The following ANKRD13C variants were observed in gnomAD, a reference collection of about 807,000 sequenced individuals.
ANKRD13C encodes the protein ankyrin repeat domain 13C, also known as ankyrin repeat domain-containing protein 13C.
In ANKRD13C, 16 loss-of-function variants were observed where a neutral mutation model predicts 65.5. That is an observed-to-expected ratio of 0.24 (90% confidence interval 0.17 to 0.37). The LOEUF (loss-of-function observed/expected upper bound fraction) is 0.37. Ranked by LOEUF, ANKRD13C falls within the 10% of genes least tolerant of loss-of-function variation. The pLI, the probability that ANKRD13C is intolerant of heterozygous loss-of-function variation, is 1.00. For missense variants in ANKRD13C, 503 were observed against 655.9 expected, an observed-to-expected ratio of 0.77 and a Z score of 2.55; for synonymous variants, 235 against 238.7, an observed-to-expected ratio of 0.98 and a Z score of 0.14.
rs562541275 is a variant in ANKRD13C, at chr1:70,348,564, C to A, written c.430+5415G>T. ...TTACAGGCGTGGTGAGCCACCATGC[C>A]CAGCCTGCACCTTTTTAATCTTTCT... On this transcript the variant is annotated intron_variant, in intron 1 of 12. Coordinates refer to ENST00000370944, the MANE Select transcript of ANKRD13C (RefSeq NM_030816.5). 3.3e-5 allele frequency among the ~76,000 whole-genome samples: 5 copies of A among 152,288 alleles called. No homozygotes were observed. The East Asian group carries it at 7.7e-4, about 23-fold the overall frequency.
chr1:70,297,975 A>G (rs948213966), intron 7 of ANKRD13C, among the ~76,000 whole-genome samples: 1 of 151,822 alleles, frequency 6.6e-6, no homozygotes, highest in Non-Finnish European at 1.5e-5. Flanking sequence ...TGGGCCTGGG[A>G]CAGTACCATT....
In ANKRD13C at chr1:70,290,737, T is replaced by G. The variant is rs146823152; in HGVS notation, c.1215+1651A>C. Among the ~76,000 whole-genome samples, 736 of 152,170 alleles carry G rather than the reference T, an allele frequency of 4.8e-3. 8 individuals are homozygous for G. Among genetic ancestry groups the G allele is most frequent in the African/African-American group, 0.017 (719 of 41,522 alleles). On this transcript the variant is annotated intron_variant, in intron 9 of 12. Coordinates refer to ENST00000370944, the MANE Select transcript of ANKRD13C (RefSeq NM_030816.5). ...TTAATTTTTTAATTTTTTATTTTTT[T>G]AGTAGAGGCAGGGTCTTGCTCTGTT...
chr1:70,347,127 T>C (rs1228364935), intron 1 of ANKRD13C, among the ~76,000 whole-genome samples: 2 of 141,484 alleles, frequency 1.4e-5, no homozygotes, highest in Non-Finnish European at 3.0e-5. Context: ...AGGCAGTTCA[T>C]AGAGAAGCAT....
chr1:70,295,122 AAAT>A (rs1290008667), intron 8 of ANKRD13C, among the ~76,000 whole-genome samples: 1 of 152,132 alleles, frequency 6.6e-6, no homozygotes, highest in African/African-American at 2.4e-5. Flanking sequence ...TGTATAATAA[AAAT>A]AAATATAATT....
Position 70,291,588 on chromosome 1 carries a change from T to C in ANKRD13C, c.1215+800A>G, listed in dbSNP as rs190075464. Among the ~76,000 whole-genome samples the C allele has an allele frequency of 1.3e-4, 20 of 152,190 alleles. No individual in the cohort carries two copies. The East Asian group carries it at 3.7e-3, about 28-fold the overall frequency. On this transcript the variant is annotated intron_variant, in intron 9 of 12. Transcript: ENST00000370944. Reference sequence around the variant, plus strand: ...GCTAAACAAGAAACATATGGGAAGGTGTAAGTCAGAGATGACACCATGAAG... The same window carrying C: ...GCTAAACAAGAAACATATGGGAAGGCGTAAGTCAGAGATGACACCATGAAG...
At chr1:70,348,832 T>C (rs1160208234) in intron 1 of ANKRD13C, among the ~76,000 whole-genome samples, 3 of 152,136 alleles carry the variant, frequency 2.0e-5, no homozygotes, top group South Asian at 2.1e-4. Flanking sequence ...AAATTAACCA[T>C]ATATAGAGAA....
chr1:70,325,570 T>G (rs576127931), intron 2 of ANKRD13C, among the ~76,000 whole-genome samples: 1 of 150,486 alleles, frequency 6.6e-6, no homozygotes, highest in African/African-American at 2.5e-5. Flanking sequence ...TTGAGAAAAC[T>G]TTTTCTTTAA....
chr1:70,352,739 C>T, intron 1 of ANKRD13C, among the ~76,000 whole-genome samples: 1 of 152,114 alleles, frequency 6.6e-6, no homozygotes, highest in East Asian at 1.9e-4. Flanking sequence ...TATCCTTGTA[C>T]TATAATAGTA....
Position 70,276,853 on chromosome 1 carries a change from A to C in ANKRD13C, c.1216-9T>G. ...GACTGTCTTCGAATCGGCTGCCAAAAAAAAAAAAGAAAGAAAGTGGGGTGG... is the reference window on the plus strand; with the variant it reads ...GACTGTCTTCGAATCGGCTGCCAAACAAAAAAAAGAAAGAAAGTGGGGTGG... On this transcript the variant is annotated splice_polypyrimidine_tract_variant and intron_variant, in intron 9 of 12. Transcript: ENST00000370944. The C allele has an allele frequency of 6.3e-7, 1 of 1,579,044 alleles. No homozygotes were observed. The highest frequency in any genetic ancestry group is 8.6e-7 in the Non-Finnish European group (1 of 1,167,938).
intron 12 of ANKRD13C, among the ~76,000 whole-genome samples, chr1:70,269,742 A>C (rs1408020248): frequency 6.6e-6 from 1 of 152,188 alleles, no homozygotes; most frequent in African/African-American, 2.4e-5. Context: ...AAAAAAAAAA[A>C]AAAGTCATTT....
At chr1:70,341,184 C>A (rs1448760033) in intron 1 of ANKRD13C, among the ~76,000 whole-genome samples, 1 of 151,928 alleles carries the variant, frequency 6.6e-6, no homozygotes, top group African/African-American at 2.4e-5. Context: ...ATATATTTTT[C>A]AATCCTCTCA....
intron 3 of ANKRD13C, among the ~76,000 whole-genome samples, chr1:70,315,826 T>C (rs1681049922): frequency 6.6e-6 from 1 of 152,180 alleles, no homozygotes; most frequent in Non-Finnish European, 1.5e-5. Flanking sequence ...GGGACCTATA[T>C]AGATAGAATA....
intron 1 of ANKRD13C, among the ~76,000 whole-genome samples, 183 bp downstream of exon 1, chr1:70,353,796 C>A (rs546467365): frequency 6.6e-6 from 1 of 152,048 alleles, no homozygotes; most frequent in African/African-American, 2.4e-5. Flanking sequence ...TCCTTTGCAC[C>A]CACAAGAACC....
rs1678378328 is a variant in ANKRD13C at position 70,261,219 on chromosome 1, G to C, written c.*1498C>G. On this transcript the variant is annotated 3_prime_UTR_variant, in exon 13 of 13. Transcript: ENST00000370944. ...TTTAATGTCAACATACGCAATGCAT[G>C]TATCAGTATGGAAGATGCAGCTTTA... 4 of 152,180 alleles carry C rather than the reference G, an allele frequency of 2.6e-5. No individual in the cohort carries two copies. The South Asian group carries it at 8.3e-4, about 32-fold the overall frequency. The allele number at this position is 152,180 out of a possible 1,614,324, so 9.4% of individuals were successfully genotyped here.
At chr1:70,283,274 T>G (rs1290853625) in intron 9 of ANKRD13C, among the ~76,000 whole-genome samples, 1 of 152,154 alleles carries the variant, frequency 6.6e-6, no homozygotes, top group African/African-American at 2.4e-5. Flanking sequence ...GACATAAAGG[T>G]TGGTGCAATA....
At position 70,293,139 on chromosome 1, in the gene ANKRD13C, T is replaced by C. The variant is rs147377068; in HGVS notation, c.1054-590A>G. Among the ~76,000 whole-genome samples, 102 of 152,142 alleles carry C rather than the reference T, an allele frequency of 6.7e-4. 1 individual carries two copies. Among genetic ancestry groups the C allele is most frequent in the South Asian group, 2.9e-3 (14 of 4,810 alleles). On this transcript the variant is annotated intron_variant, in intron 8 of 12. Transcript: ENST00000370944. The stretch of plus-strand genomic sequence containing the variant: ...AGAGTACCCTTGCTCACCAATACAA[T>C]TAAAGTGTTTTAGGGAAACTCAAGT...
intron 9 of ANKRD13C, among the ~76,000 whole-genome samples, chr1:70,277,556 G>A (rs1369488842): frequency 2.0e-5 from 3 of 150,682 alleles, no homozygotes; most frequent in Admixed American, 6.6e-5. Context: ...ATATAAAAGA[G>A]CATATTATTA....
At chr1:70,326,871 T>TG (rs1360951093) in intron 2 of ANKRD13C, among the ~76,000 whole-genome samples, 1 of 148,122 alleles carries the variant, frequency 6.8e-6, no homozygotes, top group Non-Finnish European at 1.5e-5. Flanking sequence ...TATAACACAT[T>TG]GAAAAAAAAA....
At chr1:70,346,662 C>T (rs1284907290) in intron 1 of ANKRD13C, among the ~76,000 whole-genome samples, 1 of 152,172 alleles carries the variant, frequency 6.6e-6, no homozygotes, top group African/African-American at 2.4e-5. Flanking sequence ...ATACACACAC[C>T]ATATCATCTG....
Sources: gnomAD v4.1 joint callset for allele counts (sites outside exome capture counted in the v4.1 genomes callset) on GRCh38, gnomAD v4.1.1 for gene constraint, MANE v1.5 for transcripts, NCBI Gene and HGNC (gene_info 2026-07-23, HGNC 2026-07-21) for gene names.